POLR1A: variants seen among roughly 807,000 people sequenced by gnomAD.
POLR1A encodes RNA polymerase I subunit A, also known as DNA-directed RNA polymerase I subunit RPA1.
POLR1A carries 84 observed loss-of-function variants against 205.3 expected under a neutral mutation model. The observed-to-expected ratio is 0.41, with a 90% CI of 0.34 to 0.49. The LOEUF (loss-of-function observed/expected upper bound fraction) is 0.49. Ranked by LOEUF, POLR1A falls within the 20% of genes least tolerant of loss-of-function variation. The pLI, the probability that POLR1A is intolerant of heterozygous loss-of-function variation, is 0.22. For missense variants in POLR1A, 1,645 were observed against 2,204.5 expected (o/e 0.75, Z 5.08); for synonymous variants, 799 against 863.7 (o/e 0.93, Z 1.31).
At chr2:86,084,346 G>A (rs1673460296) in intron 6 of POLR1A, among the ~76,000 whole-genome samples, 2 of 151,894 alleles carry the variant, frequency 1.3e-5, no homozygotes, top group Admixed American at 1.3e-4. Context: ...GAACCTGAGA[G>A]GCAGAGGCTG....
chr2:86,034,641 CTG>C (rs1239842628), intron 27 of POLR1A, among the ~76,000 whole-genome samples: 1 of 152,100 alleles, frequency 6.6e-6, no homozygotes, highest in Non-Finnish European at 1.5e-5. Context: ...CTGCTTGTGA[CTG>C]TGAGAATCGG....
At chr2:86,068,402 G>GGGGGGGGGGGT (rs1319707259) in intron 13 of POLR1A, among the ~76,000 whole-genome samples, 3 of 99,256 alleles carry the variant, frequency 3.0e-5, no homozygotes, top group East Asian at 3.7e-4. Context: ...GGGGGGGCGG[G>GGGGGGGGGGGT]TGTCGTCCAA....
intron 25 of POLR1A, among the ~76,000 whole-genome samples, 167 bp from the exon 26 acceptor site, chr2:86,039,629 A>C (rs952556719): frequency 6.6e-6 from 1 of 152,170 alleles, no homozygotes; most frequent in Non-Finnish European, 1.5e-5. Context: ...CCTCGTGTGC[A>C]ACAGTAAGGG....
Position 86,078,101 on chromosome 2 carries a change from GT to G in POLR1A, c.1257+12del. The G allele has an allele frequency of 1.2e-6, 2 of 1,612,808 alleles. No individual in the cohort carries two copies. The highest frequency in any genetic ancestry group is 8.5e-7 in the Non-Finnish European group (1 of 1,179,716). On this transcript the variant is annotated intron_variant, in intron 10 of 33. Transcript: ENST00000263857. ...TTCTGTAGCTAGCAATGGGAATCCAGTTTTTTGCTCACCTGCCTAATGCCTG... is the reference window on the plus strand; with the variant it reads ...TTCTGTAGCTAGCAATGGGAATCCAGTTTTTGCTCACCTGCCTAATGCCTG...
In POLR1A at chr2:86,070,632, A is replaced by G. The variant is rs1191372046; in HGVS notation, c.1612-360T>C. Among the ~76,000 whole-genome samples the G allele has an allele frequency of 1.3e-5, 2 of 152,190 alleles. No individual in the cohort carries two copies. The highest frequency in any genetic ancestry group is 6.5e-5 in the Admixed American group (1 of 15,276). On this transcript the variant is annotated intron_variant, in intron 12 of 33. Coordinates refer to ENST00000263857, the MANE Select transcript of POLR1A (RefSeq NM_015425.6). The surrounding 1 kb of genome is among the most constrained non-coding windows in gnomAD (Gnocchi z 4.4). ...GGATACAACTCCTGAAGATATAACC[A>G]TAACAAAATGAAGACATAACCATAA...
rs530290006 is a variant in POLR1A at position 86,027,073 on chromosome 2, C to T, written c.*350G>A. 3.9e-6 allele frequency: 1 copy of T among 257,688 alleles called. No homozygotes were observed. Among genetic ancestry groups the T allele is most frequent in the Admixed American group, 4.5e-5 (1 of 22,288 alleles). The allele number at this position is 257,688 out of a possible 1,614,324, so 16.0% of individuals were successfully genotyped here. On this transcript the variant is annotated 3_prime_UTR_variant, in exon 34 of 34. Transcript: ENST00000263857. ...CAGCAAAGCATGGCTTCCCCTTGGT[C>T]TTCTCAGTGAATCGTGAATCAGGAC...
At chr2:86,052,009 A>G (rs906240673) in intron 16 of POLR1A, among the ~76,000 whole-genome samples, 10 of 152,190 alleles carry the variant, frequency 6.6e-5, no homozygotes, top group Middle Eastern at 3.2e-3. Flanking sequence ...CAATGGCACA[A>G]TCTCGGCTCA....
At chr2:86,098,550 T>C (rs1573837996) in intron 3 of POLR1A, 61 bp downstream of exon 3, 3 of 1,539,068 alleles carry the variant, frequency 1.9e-6, no homozygotes, top group East Asian at 2.3e-5. Context: ...CATACAAGCA[T>C]CTCTTGTTCC....
chr2:86,077,114 G>T (rs968305645), intron 11 of POLR1A, among the ~76,000 whole-genome samples: 4 of 152,192 alleles, frequency 2.6e-5, no homozygotes, highest in African/African-American at 9.7e-5. Flanking sequence ...CCCCAGAGAG[G>T]GGTGGAGGGG....
At position 86,031,189 on chromosome 2, in the gene POLR1A, C is replaced by G. The variant is rs2278537; in HGVS notation, c.4578+141G>C. 8.5e-3 allele frequency: 10,847 copies of G among 1,274,990 alleles called. 396 individuals carry two copies. The East Asian group carries it at 0.12, about 14-fold the overall frequency. The allele number at this position is 1,274,990 out of a possible 1,614,324, so 79.0% of individuals were successfully genotyped here. A position where few individuals can be genotyped will look rare whatever the true frequency, so the allele number is the denominator to read the frequency against. On this transcript the variant is annotated intron_variant, in intron 30 of 33. Transcript: ENST00000263857. The stretch of plus-strand genomic sequence containing the variant: ...CGCAGGCCCCAAACAGGAGGCCTGG[C>G]TGTGCTCTGAGTGGGAGACCATGGG...
intron 26 of POLR1A, 117 bp from the exon 27 acceptor site, chr2:86,038,974 AC>A: frequency 1.1e-6 from 1 of 904,792 alleles, no homozygotes; most frequent in Non-Finnish European, 1.7e-6. Context: ...CACAGGCCAA[AC>A]CCCAAAGAAA....
In POLR1A at chr2:86,105,842, A is replaced by C. The variant is rs1246508960; in HGVS notation, c.-66T>G. The C allele has an allele frequency of 1.4e-6, 2 of 1,394,688 alleles. No individual in the cohort carries two copies. The highest frequency in any genetic ancestry group is 1.4e-5 in the African/African-American group (1 of 70,556). 86.4% of individuals were successfully genotyped at this position (1,394,688 alleles called of 1,614,324 possible). On this transcript the variant is annotated 5_prime_UTR_variant, in exon 1 of 34. Coordinates refer to ENST00000263857, the MANE Select transcript of POLR1A (RefSeq NM_015425.6). ...TCCACTCACCACCTGACTATTCTTA[A>C]TTCAACCTCAAGCCCGGAGTCACCA...
At chr2:86,043,996 GA>G (rs1283456520) in intron 22 of POLR1A, 142 bp downstream of exon 22, 2 of 701,834 alleles carry the variant, frequency 2.8e-6, no homozygotes, top group Non-Finnish European at 4.8e-6. Flanking sequence ...TCAGGGCACT[GA>G]CCGGTGTCTT....
chr2:86,075,983 C>G (rs1374301423), intron 11 of POLR1A, among the ~76,000 whole-genome samples: 1 of 152,188 alleles, frequency 6.6e-6, no homozygotes, highest in Non-Finnish European at 1.5e-5. Flanking sequence ...TGTCCCTGAG[C>G]CCAGACATGG....
chr2:86,041,865 T>C, intron 24 of POLR1A, 24 bp downstream of exon 24: 1 of 1,593,744 alleles, frequency 6.3e-7, no homozygotes, highest in Non-Finnish European at 8.6e-7. Context: ...CTGCACATGT[T>C]GTGCAACAAA....
At chr2:86,069,522 T>TG (rs1358014403) in intron 13 of POLR1A, among the ~76,000 whole-genome samples, 1 of 152,098 alleles carries the variant, frequency 6.6e-6, no homozygotes, top group Non-Finnish European at 1.5e-5. Flanking sequence ...GGAGTGAACT[T>TG]GGAGAAAGAA....
chr2:86,054,319 CA>C (rs1305531722), intron 14 of POLR1A, 30 bp from the exon 15 acceptor site: 1 of 1,607,488 alleles, frequency 6.2e-7, no homozygotes. Flanking sequence ...AAACTGATGG[CA>C]AAAAGAAAAG....
At chr2:86,096,696 T>C (rs1014140803) in intron 3 of POLR1A, among the ~76,000 whole-genome samples, 2 of 152,158 alleles carry the variant, frequency 1.3e-5, no homozygotes, top group East Asian at 1.9e-4. Flanking sequence ...CTTTAATAAA[T>C]GATGCTGGGA....
intron 27 of POLR1A, among the ~76,000 whole-genome samples, chr2:86,036,102 G>A (rs531504696): frequency 6.6e-6 from 1 of 152,320 alleles, no homozygotes; most frequent in South Asian, 2.1e-4. Context: ...CCCGTCCCAC[G>A]TAAATAATTA....
Sources: allele counts gnomAD v4.1 joint callset (sites outside exome capture counted in the v4.1 genomes callset), GRCh38; gene constraint gnomAD v4.1.1; non-coding constraint Gnocchi (gnomAD v3.1); transcripts MANE v1.5; gene names NCBI Gene and HGNC (gene_info 2026-07-23, HGNC 2026-07-21).